Variants in LRP1B observed in about 807,000 individuals in gnomAD.
The protein encoded by LRP1B is LDL receptor related protein 1B, also known as low-density lipoprotein receptor-related protein 1B.
LRP1B carries 217 observed loss-of-function variants against 556.6 expected under a neutral mutation model. The observed-to-expected ratio is 0.39, with a 90% CI of 0.35 to 0.44. LRP1B has a LOEUF of 0.44. Among genes scored for constraint, LRP1B ranks in the 20% least tolerant of loss-of-function variants. The probability of loss-of-function intolerance (pLI) is 1.00; values close to 1 mark genes in which losing one functional copy is unlikely to be tolerated. For synonymous variants in LRP1B, 2,047 were observed against 1,865.8 expected (o/e 1.10, Z -2.50); for missense variants, 5,053 against 5,620.8 (o/e 0.90, Z 3.23).
intron 65 of LRP1B, among the ~76,000 whole-genome samples, chr2:140,443,324 G>T (rs1234349401): frequency 6.6e-6 from 1 of 152,152 alleles, no homozygotes; most frequent in East Asian, 1.9e-4. Flanking sequence ...GCCTCCTAAA[G>T]TGCTGGGATT....
At chr2:140,397,530 C>A (rs952848633) in intron 66 of LRP1B, among the ~76,000 whole-genome samples, 2 of 152,098 alleles carry the variant, frequency 1.3e-5, no homozygotes, top group African/African-American at 4.8e-5. Context: ...ACAAATTGCC[C>A]ATAGTCATAC....
chr2:141,518,728 C>T (rs1479657701), intron 2 of LRP1B, among the ~76,000 whole-genome samples: 2 of 152,022 alleles, frequency 1.3e-5, no homozygotes, highest in Non-Finnish European at 2.9e-5. Flanking sequence ...GTGGGCGGAT[C>T]ACCTGAGGTC....
chr2:140,350,957 T>C lies in LRP1B; in HGVS notation c.11732A>G (p.His3911Arg). ...ATGTTCAATATGAGAAATTTGTTGA[T>C]GATCGCCACTGTAGTTGAATGGATA... ...FIYPFNYSGD[H>R]QQISHIEHNS... is the part of the protein sequence containing the mutation. The change falls in exon 77 of 91, where the codon CAT (histidine) becomes CGT (arginine). Residue 3911 changes from histidine to arginine, a missense_variant. Around this residue, in one of 5 missense-constraint regions of LRP1B, gnomAD observed 599 missense variants for 648.4 expected, o/e 0.92. Coordinates refer to ENST00000389484, the MANE Select transcript of LRP1B (RefSeq NM_018557.3). 2 of 1,610,192 alleles carry C rather than the reference T, an allele frequency of 1.2e-6. No individual in the cohort carries two copies. The highest frequency in any genetic ancestry group is 1.1e-5 in the South Asian group (1 of 90,924).
chr2:141,544,373 C>CTT (rs1574065002), intron 2 of LRP1B, among the ~76,000 whole-genome samples: 10 of 115,692 alleles, frequency 8.6e-5, no homozygotes, highest in South Asian at 3.4e-4. Flanking sequence ...TCTTCTTCTT[C>CTT]TTCTTCTTCT....
chr2:141,571,690 G>T (rs751969699), intron 2 of LRP1B, among the ~76,000 whole-genome samples: 1 of 128,426 alleles, frequency 7.8e-6, no homozygotes, highest in Non-Finnish European at 1.8e-5. Flanking sequence ...TTGACAAAAG[G>T]TTAGAGGAAT....
chr2:140,424,043 T>C (rs1377517140), intron 66 of LRP1B, among the ~76,000 whole-genome samples: 3 of 152,154 alleles, frequency 2.0e-5, no homozygotes, highest in Non-Finnish European at 2.9e-5. Context: ...CAAAGAAGGT[T>C]GACTTTGAAG....
At chr2:141,285,821 C>T (rs1685694289) in intron 3 of LRP1B, among the ~76,000 whole-genome samples, 1 of 147,230 alleles carries the variant, frequency 6.8e-6, no homozygotes, top group Non-Finnish European at 1.5e-5. Flanking sequence ...AATCCCAGCA[C>T]TTTGGGAGGC....
chr2:141,510,236 C>CACACACACA (rs1553524111), intron 2 of LRP1B, among the ~76,000 whole-genome samples: 2,204 of 132,148 alleles, frequency 0.017, 52 homozygotes, highest in East Asian at 0.038. Flanking sequence ...ACACACACAC[C>CACACACACA]CCCCACAGTC....
chr2:141,370,134 ATT>A (rs1179918914), intron 3 of LRP1B, among the ~76,000 whole-genome samples: 1 of 151,902 alleles, frequency 6.6e-6, no homozygotes, highest in Non-Finnish European at 1.5e-5. Flanking sequence ...TGATGTAATT[ATT>A]TCTTTTCCTT....
chr2:141,659,232 G>C (rs79218535), intron 2 of LRP1B, among the ~76,000 whole-genome samples: 1 of 152,016 alleles, frequency 6.6e-6, no homozygotes, highest in Admixed American at 6.6e-5. Flanking sequence ...AGCAGGCATC[G>C]GCAAAATTTT....
At chr2:141,318,299 C>A (rs376894095) in intron 3 of LRP1B, among the ~76,000 whole-genome samples, 64 of 152,100 alleles carry the variant, frequency 4.2e-4, no homozygotes, top group South Asian at 1.7e-3. Context: ...ACACAAGAAA[C>A]AAGAGAAGAA....
chr2:141,337,192 T>G (rs2714230), intron 3 of LRP1B, among the ~76,000 whole-genome samples: 91,688 of 152,010 alleles, frequency 0.6, 28,543 homozygotes, highest in African/African-American at 0.68. Context: ...CTGCATCTTT[T>G]CCACCATTTG....
At chr2:140,707,079 A>G (rs1686865841) in intron 37 of LRP1B, among the ~76,000 whole-genome samples, 1 of 152,072 alleles carries the variant, frequency 6.6e-6, no homozygotes, top group African/African-American at 2.4e-5. Flanking sequence ...GGCATTAATC[A>G]TTTTCTCTGG....
chr2:140,714,251 T>G (rs919257723), intron 37 of LRP1B, among the ~76,000 whole-genome samples: 2 of 152,170 alleles, frequency 1.3e-5, no homozygotes, highest in African/African-American at 4.8e-5. Context: ...CATGGAGGGA[T>G]GCTGACATGT....
chr2:141,267,277 T>C (rs551714607), intron 3 of LRP1B, among the ~76,000 whole-genome samples: 1 of 152,194 alleles, frequency 6.6e-6, no homozygotes, highest in Admixed American at 6.5e-5. Context: ...GTGCTATCTC[T>C]TACCACAGAT....
chr2:140,446,316 G>A (rs943760811), intron 63 of LRP1B, among the ~76,000 whole-genome samples: 1 of 152,088 alleles, frequency 6.6e-6, no homozygotes, highest in African/African-American at 2.4e-5. Context: ...TCTGTCTCTA[G>A]AATAATCTTA....
chr2:141,519,441 C>G (rs1370369105), intron 2 of LRP1B, among the ~76,000 whole-genome samples: 3 of 141,460 alleles, frequency 2.1e-5, no homozygotes, highest in African/African-American at 5.2e-5. Context: ...TTAAGCAAAG[C>G]TTGCCTACTT....
intron 55 of LRP1B, among the ~76,000 whole-genome samples, chr2:140,499,747 T>TA (rs140624722): frequency 0.2 from 30,994 of 151,742 alleles, 3,723 homozygotes; most frequent in Non-Finnish European, 0.27. Flanking sequence ...TAGAAACGTT[T>TA]AAAAAATATT....
chr2:140,273,568 A>G (rs1325604855), intron 85 of LRP1B, among the ~76,000 whole-genome samples: 2 of 152,068 alleles, frequency 1.3e-5, no homozygotes, highest in South Asian at 2.1e-4. Flanking sequence ...GCAGAGCAAC[A>G]TAACTCATTC....
Sources: gnomAD v4.1 joint callset for allele counts (sites outside exome capture counted in the v4.1 genomes callset) on GRCh38, gnomAD v4.1.1 for gene constraint, gnomAD v4.1.1 regional missense constraint, MANE v1.5 for transcripts, NCBI Gene and HGNC (gene_info 2026-07-23, HGNC 2026-07-21) for gene names.